Variants in CCDC18 observed in about 807,000 individuals in gnomAD.
CCDC18 encodes the protein coiled-coil domain-containing protein 18.
In CCDC18, 157 loss-of-function variants were observed where a neutral mutation model predicts 196.0. The ratio of observed to expected loss-of-function variants is 0.80; its 90% CI spans 0.70 to 0.91. CCDC18 has a LOEUF of 0.91. CCDC18 is among the 40% of genes least tolerant of loss of function. The probability of loss-of-function intolerance (pLI) is 0.00; values close to 1 mark genes in which losing one functional copy is unlikely to be tolerated. For missense variants in CCDC18, 1,465 were observed against 1,611.6 expected (o/e 0.91, Z 1.56); for synonymous variants, 482 against 529.2 (o/e 0.91, Z 1.22).
intron 17 of CCDC18, among the ~76,000 whole-genome samples, chr1:93,227,028 A>G (rs889651086): frequency 6.6e-6 from 1 of 152,094 alleles, no homozygotes; most frequent in African/African-American, 2.4e-5. Context: ...ATTACATGAC[A>G]CCTTGAACAT....
chr1:93,226,818 G>A (rs1414533869), intron 17 of CCDC18, among the ~76,000 whole-genome samples: 1 of 152,090 alleles, frequency 6.6e-6, no homozygotes, highest in Non-Finnish European at 1.5e-5. Context: ...ACAGGTGTGA[G>A]CCACTGTGCC....
At position 93,232,429 on chromosome 1, in the gene CCDC18, T is replaced by A. The variant is rs1165929871; in HGVS notation, c.2296T>A (p.Tyr766Asn). The stretch of plus-strand genomic sequence containing the variant: ...GATATATATATATATTTGCCAGGTA[T>A]ATTGTTTACAGAAAGAGCTAAAGAT... ...KQLKKKSEEV[Y>N]CLQKELKIKN... is the part of the protein sequence containing the mutation. The change falls in exon 18 of 29, where the codon TAT becomes AAT. Residue 766 changes from tyrosine (Y) to asparagine (N), a missense_variant. By Grantham distance (143) the Tyr-to-Asn change is moderately radical. Transcript: ENST00000690025. The A allele has an allele frequency of 1.3e-6, 2 of 1,571,552 alleles. No homozygotes were observed. Among genetic ancestry groups the A allele is most frequent in the Non-Finnish European group, 8.7e-7 (1 of 1,150,708 alleles).
intron 8 of CCDC18, among the ~76,000 whole-genome samples, chr1:93,205,956 A>G (rs1222082602): frequency 6.6e-6 from 1 of 152,060 alleles, no homozygotes; most frequent in East Asian, 1.9e-4. Context: ...CGATGTTCTA[A>G]AAAAAAGTGT....
chr1:93,188,783 G>T (rs1301114741), intron 4 of CCDC18, among the ~76,000 whole-genome samples: 1 of 152,076 alleles, frequency 6.6e-6, no homozygotes, highest in African/African-American at 2.4e-5. Context: ...GCCCTTTCAG[G>T]CTGGAAACTT....
At chr1:93,247,104 G>C (rs1277595657) in intron 23 of CCDC18, 150 bp downstream of exon 23, 6 of 490,572 alleles carry the variant, frequency 1.2e-5, no homozygotes, top group South Asian at 2.2e-5. Context: ...TGTCACCCAG[G>C]CTGGAGAGCA....
intron 3 of CCDC18, among the ~76,000 whole-genome samples, 168 bp downstream of exon 3, chr1:93,184,314 T>C (rs1345752968): frequency 3.9e-5 from 6 of 152,012 alleles, no homozygotes; most frequent in African/African-American, 1.2e-4. Context: ...AGAATTTAAA[T>C]ATAATTGTTC....
At chr1:93,242,406 A>G (rs1448263714) in intron 21 of CCDC18, among the ~76,000 whole-genome samples, 1 of 152,234 alleles carries the variant, frequency 6.6e-6, no homozygotes, top group Non-Finnish European at 1.5e-5. Flanking sequence ...TCATGAGAAC[A>G]GCATGGGAAA....
chr1:93,246,319 C>T (rs1329461791), intron 22 of CCDC18, 115 bp downstream of exon 22: 2 of 604,880 alleles, frequency 3.3e-6, no homozygotes, highest in East Asian at 5.6e-5. Flanking sequence ...TATCTTTTCT[C>T]TGCACATAGG....
intron 23 of CCDC18, among the ~76,000 whole-genome samples, chr1:93,252,787 A>T (rs995236473): frequency 6.6e-6 from 1 of 152,212 alleles, no homozygotes; most frequent in Non-Finnish European, 1.5e-5. Context: ...CAGGAATTTA[A>T]GCAAACTGGC....
chr1:93,270,469 A>C lies in CCDC18; in HGVS notation c.4008A>C (p.Lys1336Asn). The change falls in exon 28 of 29, where the codon AAA becomes AAC. Residue 1336 changes from lysine to asparagine, a missense_variant. Physicochemically the swap from Lys to Asn is moderately conservative, Grantham distance 94. Coordinates refer to ENST00000690025, the MANE Select transcript of CCDC18 (RefSeq NM_001378204.1). ...TEIMPDVQDP[K>N]FAKCFHTSFS... ...TTATGCCTGATGTTCAAGATCCAAA[A>C]TTTGCTAAATGTTTTCACACATCTT... 1 of 1,550,400 alleles carries C rather than the reference A, an allele frequency of 6.4e-7. No homozygotes were observed. Among genetic ancestry groups the C allele is most frequent in the Non-Finnish European group, 8.7e-7 (1 of 1,146,890 alleles).
intron 23 of CCDC18, among the ~76,000 whole-genome samples, chr1:93,253,852 T>C (rs1049712146): frequency 1.1e-4 from 17 of 152,230 alleles, no homozygotes; most frequent in African/African-American, 3.6e-4. Flanking sequence ...CCTGGGTTTC[T>C]GTCTGTGCTC....
chr1:93,242,487 T>C (rs535807174), intron 21 of CCDC18, among the ~76,000 whole-genome samples: 1 of 152,102 alleles, frequency 6.6e-6, no homozygotes, highest in African/African-American at 2.4e-5. Flanking sequence ...AAGATGAGAT[T>C]TGGATGGGGT....
chr1:93,212,810 G>C (rs1207383423), intron 11 of CCDC18, among the ~76,000 whole-genome samples: 2 of 152,144 alleles, frequency 1.3e-5, no homozygotes, highest in Admixed American at 6.5e-5. Flanking sequence ...TTGGTTTCAG[G>C]ATGATTCAAA....
chr1:93,202,043 G>C, intron 7 of CCDC18, 55 bp downstream of exon 7: 3 of 954,680 alleles, frequency 3.1e-6, no homozygotes, highest in African/African-American at 1.7e-5. Context: ...TATTCCAACA[G>C]TAAAGGTAGG....
At chr1:93,189,054 A>T (rs1404001304) in intron 4 of CCDC18, among the ~76,000 whole-genome samples, 1 of 152,160 alleles carries the variant, frequency 6.6e-6, no homozygotes, top group Non-Finnish European at 1.5e-5. Context: ...TGTGCTATAA[A>T]ATAGTAGTTC....
At chr1:93,259,537 T>G (rs1663486450) in intron 26 of CCDC18, among the ~76,000 whole-genome samples, 1 of 152,088 alleles carries the variant, frequency 6.6e-6, no homozygotes, top group African/African-American at 2.4e-5. Flanking sequence ...ACGGCAAGGG[T>G]TGCAAATATT....
In CCDC18 at chr1:93,192,038, T is replaced by G. The variant is rs1302598045; in HGVS notation, c.501T>G (p.Ser167Arg). The G allele has an allele frequency of 6.2e-7, 1 of 1,613,962 alleles. No homozygotes were observed. The highest frequency in any genetic ancestry group is 1.7e-5 in the Admixed American group (1 of 60,024). Residue 167 changes from serine to arginine, a missense_variant, in exon 5 of 29, where the codon AGT (serine) becomes AGG (arginine). Transcript: ENST00000690025. ...AGTCTGCTCAACAGCAGGCAGCCAG[T>G]GTCCCAATCTTAGAAGAACAGATTA... ...MLESAQQQAA[S>R]VPILEEQIIN...
At chr1:93,204,154 A>C (rs978874269) in intron 7 of CCDC18, among the ~76,000 whole-genome samples, 1 of 152,126 alleles carries the variant, frequency 6.6e-6, no homozygotes, top group African/African-American at 2.4e-5. Context: ...GGGGAGATTG[A>C]AGATGCTAGA....
rs2068243 is a variant in CCDC18 at position 93,214,776 on chromosome 1, T to C, written c.1529T>C (p.Met510Thr). 224 of 1,612,476 alleles carry C rather than the reference T, an allele frequency of 1.4e-4. No individual in the cohort carries two copies. In the African/African-American group the frequency reaches 2.6e-3, roughly 18 times the overall value. ...GTAAAAGATCAAAATCAACATACTA[T>C]GAACAAGCAATATGAAAAAGAGAGG... is the stretch of plus-strand genomic sequence containing the variant. ...ESVKDQNQHT[M>T]NKQYEKERQR... The change falls in exon 12 of 29, where the codon ATG becomes ACG. Residue 510 changes from methionine to threonine, a missense_variant. Met to Thr is a moderately conservative substitution (Grantham distance 81). Coordinates refer to ENST00000690025, the MANE Select transcript of CCDC18 (RefSeq NM_001378204.1).
Sources: allele counts gnomAD v4.1 joint callset (sites outside exome capture counted in the v4.1 genomes callset), GRCh38; gene constraint gnomAD v4.1.1; transcripts MANE v1.5; gene names NCBI Gene and HGNC (gene_info 2026-07-23, HGNC 2026-07-21).